The following CSMD1 variants were observed in gnomAD, a reference collection of about 807,000 sequenced individuals.
The protein encoded by CSMD1 is CUB and sushi domain-containing protein 1.
In CSMD1, 213 loss-of-function variants were observed where a neutral mutation model predicts 417.5. That is an observed-to-expected ratio of 0.51 (90% CI 0.46 to 0.57). CSMD1 has a LOEUF of 0.57. Among genes scored for constraint, CSMD1 ranks in the 20% least tolerant of loss-of-function variants. The probability of loss-of-function intolerance (pLI) is 0.00; values close to 1 mark genes in which losing one functional copy is unlikely to be tolerated. For missense variants in CSMD1, 6,923 were observed against 4,529.7 expected (o/e 1.53, Z -15.17); for synonymous variants, 2,862 against 1,736.8 (o/e 1.65, Z -16.11).
At chr8:3,150,017 T>G (rs1819095584) in intron 40 of CSMD1, among the ~76,000 whole-genome samples, 1 of 152,106 alleles carries the variant, frequency 6.6e-6, no homozygotes, top group Non-Finnish European at 1.5e-5. Flanking sequence ...CTCCAAAGAT[T>G]AGTTCAATAA....
chr8:4,502,614 T>C (rs572555792), intron 2 of CSMD1, among the ~76,000 whole-genome samples: 3 of 152,318 alleles, frequency 2.0e-5, no homozygotes, highest in Non-Finnish European at 1.5e-5. Context: ...AAAAGGACTC[T>C]ATATATCCTG....
At chr8:3,653,449 T>C (rs1403398474) in intron 7 of CSMD1, among the ~76,000 whole-genome samples, 2 of 152,058 alleles carry the variant, frequency 1.3e-5, no homozygotes, top group African/African-American at 4.8e-5. Context: ...GCTGGGATTA[T>C]AGGTGCCCAA....
chr8:4,982,750 C>A (rs1175003349), intron 1 of CSMD1, among the ~76,000 whole-genome samples: 2 of 152,278 alleles, frequency 1.3e-5, no homozygotes, highest in African/African-American at 4.8e-5. Context: ...AGATATAGAT[C>A]ATACCCCAAA....
intron 1 of CSMD1, among the ~76,000 whole-genome samples, chr8:4,933,283 T>C (rs766425359): frequency 4.6e-5 from 7 of 152,162 alleles, no homozygotes; most frequent in Non-Finnish European, 8.8e-5. Flanking sequence ...AGCAACATTC[T>C]CTCAGAGGAG....
chr8:4,232,726 C>T (rs190986100), intron 3 of CSMD1, among the ~76,000 whole-genome samples: 1 of 152,166 alleles, frequency 6.6e-6, no homozygotes, highest in Admixed American at 6.6e-5. Context: ...CATGATTTAA[C>T]AGTCGTAAGA....
At chr8:4,067,326 T>A (rs1396473577) in intron 3 of CSMD1, among the ~76,000 whole-genome samples, 1 of 152,358 alleles carries the variant, frequency 6.6e-6, no homozygotes, top group Non-Finnish European at 1.5e-5. Flanking sequence ...TAAGTAACGT[T>A]TTCAAGTAAG....
chr8:3,355,876 C>G (rs572045712), intron 21 of CSMD1, among the ~76,000 whole-genome samples: 1 of 152,038 alleles, frequency 6.6e-6, no homozygotes, highest in African/African-American at 2.4e-5. Context: ...AATGCACATG[C>G]CAACAGGTGC....
rs565268558 is a variant in CSMD1, at chr8:4,512,753, A to G, written c.303-92688T>C. Reference sequence around the variant, plus strand: ...CAAAATACATACAAAATGTATATGAAGAACTCTATAAAACTCTGAATTAAA... The same window carrying G: ...CAAAATACATACAAAATGTATATGAGGAACTCTATAAAACTCTGAATTAAA... On this transcript the variant is annotated intron_variant, in intron 2 of 69. Transcript: ENST00000635120. Among the ~76,000 whole-genome samples, 4 of 151,928 alleles carry G rather than the reference A, an allele frequency of 2.6e-5. No individual in the cohort carries two copies. In the South Asian group the frequency reaches 8.3e-4, roughly 32 times the overall value.
intron 3 of CSMD1, among the ~76,000 whole-genome samples, chr8:4,195,766 G>A (rs939057637): frequency 1.3e-5 from 2 of 152,158 alleles, no homozygotes; most frequent in African/African-American, 2.4e-5. Context: ...CCAGGAGGTA[G>A]TGGATTCTGC....
intron 8 of CSMD1, among the ~76,000 whole-genome samples, chr8:3,606,713 A>ATTT (rs11335642): frequency 1.4e-5 from 2 of 139,986 alleles, no homozygotes; most frequent in Admixed American, 7.1e-5. Flanking sequence ...CTTCGTTACA[A>ATTT]TTTTTTTTTT....
intron 2 of CSMD1, among the ~76,000 whole-genome samples, chr8:4,504,546 T>C (rs777768783): frequency 1.3e-5 from 2 of 152,174 alleles, no homozygotes; most frequent in Non-Finnish European, 2.9e-5. Flanking sequence ...ACATGTGCCA[T>C]GATGGTTTGC....
intron 23 of CSMD1, among the ~76,000 whole-genome samples, chr8:3,311,431 G>A (rs372451894): frequency 6.6e-6 from 1 of 152,060 alleles, no homozygotes; most frequent in African/African-American, 2.4e-5. Flanking sequence ...TGTATTTTTA[G>A]TAGAGTCAGG....
intron 5 of CSMD1, among the ~76,000 whole-genome samples, chr8:3,924,481 T>G (rs1206633495): frequency 6.6e-6 from 1 of 152,212 alleles, no homozygotes; most frequent in Non-Finnish European, 1.5e-5. Context: ...CTTCTGAGAC[T>G]TCTATGATAC....
intron 1 of CSMD1, among the ~76,000 whole-genome samples, chr8:4,981,892 C>G (rs1258655813): frequency 6.6e-6 from 1 of 152,154 alleles, no homozygotes; most frequent in Non-Finnish European, 1.5e-5. Flanking sequence ...CTCACCCTCT[C>G]TCTCTCCCCC....
chr8:4,319,517 ATAAAC>A (rs1799138230), intron 3 of CSMD1, among the ~76,000 whole-genome samples: 1 of 152,156 alleles, frequency 6.6e-6, no homozygotes, highest in African/African-American at 2.4e-5. Flanking sequence ...AGAGCAGAAA[ATAAAC>A]AAACAAACAA....
chr8:4,930,131 G>A (rs569467748), intron 1 of CSMD1, among the ~76,000 whole-genome samples: 272 of 152,272 alleles, frequency 1.8e-3, no homozygotes, highest in Non-Finnish European at 3.0e-3. Flanking sequence ...TACATCAATT[G>A]CGTTGATTGG....
intron 3 of CSMD1, among the ~76,000 whole-genome samples, chr8:4,413,929 G>C (rs1182771646): frequency 6.6e-6 from 1 of 152,154 alleles, no homozygotes; most frequent in Non-Finnish European, 1.5e-5. Flanking sequence ...AGTAATTATT[G>C]AAATTTTGCA....
intron 3 of CSMD1, among the ~76,000 whole-genome samples, chr8:4,052,754 A>T (rs189924616): frequency 1.0e-3 from 140 of 139,502 alleles, no homozygotes; most frequent in South Asian, 1.5e-3. Flanking sequence ...AACAAGTTTT[A>T]AAAAAAAATG....
At chr8:4,072,331 C>G (rs34178633) in intron 3 of CSMD1, among the ~76,000 whole-genome samples, 13 of 152,010 alleles carry the variant, frequency 8.6e-5, no homozygotes, top group Non-Finnish European at 1.5e-5. Flanking sequence ...TTTACTTCTA[C>G]TTGACACAAA....
Sources: gnomAD v4.1 joint callset for allele counts (sites outside exome capture counted in the v4.1 genomes callset) on GRCh38, gnomAD v4.1.1 for gene constraint, MANE v1.5 for transcripts, NCBI Gene and HGNC (gene_info 2026-07-23, HGNC 2026-07-21) for gene names.